CCDC158: variants seen among roughly 807,000 people sequenced by gnomAD.
CCDC158 encodes coiled-coil domain containing 158.
In CCDC158, 116 loss-of-function variants were observed where a neutral mutation model predicts 138.6. The observed-to-expected ratio is 0.84, with a 90% confidence interval of 0.72 to 0.98. The LOEUF is 0.98. CCDC158 is among the 50% of genes least tolerant of loss of function. The pLI, the probability that CCDC158 is intolerant of heterozygous loss-of-function variation, is 0.00. For missense variants in CCDC158, 1,265 were observed against 1,306.1 expected, an observed-to-expected ratio of 0.97 and a Z score of 0.48; for synonymous variants, 436 against 442.4, an observed-to-expected ratio of 0.99 and a Z score of 0.18.
chr4:76,380,356 T>C (rs922317830), intron 8 of CCDC158, among the ~76,000 whole-genome samples: 11 of 152,116 alleles, frequency 7.2e-5, no homozygotes, highest in African/African-American at 2.7e-4. Context: ...CAGATGGAGA[T>C]GAGGAACTTC....
At position 76,367,503 on chromosome 4, in the gene CCDC158, C is replaced by A. The variant is rs772456913; in HGVS notation, c.1621G>T (p.Asp541Tyr). The A allele has an allele frequency of 1.5e-5, 24 of 1,614,078 alleles. No individual in the cohort carries two copies. The highest frequency in any genetic ancestry group is 2.0e-5 in the Non-Finnish European group (24 of 1,180,050). ...QELQHLKNEG[D>Y]HLRNVQTECE... is the part of the protein sequence containing the mutation. ...TCTGTCTGCACATTTCTGAGATGAT[C>A]CCCTTCATTTTTCAAGTGTTGCAGC... is the stretch of plus-strand genomic sequence containing the variant. Residue 541 changes from aspartate to tyrosine, a missense_variant, in exon 12 of 25, where the codon GAT becomes TAT. Physicochemically the swap from Asp to Tyr is radical, Grantham distance 160 (BLOSUM62 -3). Transcript: ENST00000682701.
chr4:76,371,375 TC>T (rs772471192), intron 10 of CCDC158, 41 bp downstream of exon 10: 13 of 1,584,190 alleles, frequency 8.2e-6, no homozygotes, highest in Admixed American at 3.5e-5. Context: ...GTGAAAAACT[TC>T]CCAGAATTAG....
chr4:76,328,538 C>T (rs1720730304), intron 22 of CCDC158, among the ~76,000 whole-genome samples: 1 of 152,206 alleles, frequency 6.6e-6, no homozygotes, highest in Admixed American at 6.5e-5. Context: ...CTCACCTTGG[C>T]TTCTCAAAGT....
intron 1 of CCDC158, among the ~76,000 whole-genome samples, 98 bp downstream of exon 1, chr4:76,420,867 G>A (rs1024402773): frequency 2.0e-5 from 3 of 152,160 alleles, no homozygotes; most frequent in African/African-American, 4.8e-5. Context: ...ACGAGGCACC[G>A]GAAGATTCCA....
At chr4:76,387,579 C>T (rs1044101018) in intron 4 of CCDC158, among the ~76,000 whole-genome samples, 17 of 151,644 alleles carry the variant, frequency 1.1e-4, no homozygotes, top group African/African-American at 4.1e-4. Flanking sequence ...AGTCCCAGCA[C>T]TTTGGGAGGC....
chr4:76,347,924 T>A (rs1722713642), intron 18 of CCDC158, among the ~76,000 whole-genome samples: 1 of 152,164 alleles, frequency 6.6e-6, no homozygotes, highest in Non-Finnish European at 1.5e-5. Context: ...ATTTTCTTAC[T>A]CTGTTTGGGT....
At chr4:76,410,189 C>T (rs1328119426) in intron 2 of CCDC158, among the ~76,000 whole-genome samples, 1 of 150,926 alleles carries the variant, frequency 6.6e-6, no homozygotes, top group Non-Finnish European at 1.5e-5. Context: ...TTTAGAATCC[C>T]TTTTTTTTGT....
intron 12 of CCDC158, among the ~76,000 whole-genome samples, chr4:76,366,218 T>A (rs1446827106): frequency 1.3e-5 from 2 of 152,194 alleles, no homozygotes; most frequent in African/African-American, 4.8e-5. Context: ...GAATCCTTTC[T>A]ATGTCCCTTT....
chr4:76,329,469 G>A (rs376218388), intron 21 of CCDC158, among the ~76,000 whole-genome samples: 8 of 152,036 alleles, frequency 5.3e-5, no homozygotes, highest in African/African-American at 7.2e-5. Context: ...CTGTAGTCCC[G>A]GCTACTCAGG....
rs765370797 is a variant in CCDC158 at position 76,396,382 on chromosome 4, C to T, written c.175G>A (p.Val59Met). The change falls in exon 4 of 25, where the codon GTG (valine) becomes ATG (methionine). Residue 59 changes from valine (V) to methionine (M), a missense_variant. Val to Met is a conservative substitution (Grantham distance 21). Coordinates refer to ENST00000682701, the MANE Select transcript of CCDC158 (RefSeq NM_001394954.1). The part of the protein sequence containing the change: ...TQVPFFPKYE[V>M]ELDSPRKIIP... The stretch of plus-strand genomic sequence containing the variant: ...ATTTTTCTAGGAGAATCAAGTTCCA[C>T]TTCATATTTAGGGAAAAAAGGAACC... 1.1e-5 allele frequency: 17 copies of T among 1,613,744 alleles called. No homozygotes were observed. In the Admixed American group the frequency reaches 2.7e-4, roughly 25 times the overall value.
intron 3 of CCDC158, 89 bp from the exon 4 acceptor site, chr4:76,396,575 G>T: frequency 1.1e-6 from 1 of 925,794 alleles, no homozygotes; most frequent in Non-Finnish European, 1.6e-6. Context: ...GCAATGGCGC[G>T]ATCTTGCTCA....
chr4:76,334,226 T>A, intron 18 of CCDC158, 59 bp from the exon 19 acceptor site: 1 of 1,401,584 alleles, frequency 7.1e-7, no homozygotes, highest in East Asian at 2.4e-5. Context: ...CTATTTCCTA[T>A]CACAAAATTA....
chr4:76,420,988 G>A lies in CCDC158; in HGVS notation c.-140C>T, dbSNP rs972865504. Among the ~76,000 whole-genome samples the A allele has an allele frequency of 1.3e-4, 20 of 152,056 alleles. No individual in the cohort carries two copies. The highest frequency in any genetic ancestry group is 4.1e-4 in the African/African-American group (17 of 41,424). On this transcript the variant is annotated 5_prime_UTR_variant, in exon 1 of 25. Transcript: ENST00000682701. ...ACCTGCAACCAACACCTAATCCTAA[G>A]ACACCGGCCACATCTCCGCGGGGCG... is the stretch of plus-strand genomic sequence containing the variant.
At chr4:76,393,568 C>A (rs1727504318) in intron 4 of CCDC158, among the ~76,000 whole-genome samples, 1 of 151,974 alleles carries the variant, frequency 6.6e-6, no homozygotes, top group African/African-American at 2.4e-5. Context: ...AGGCACTGAT[C>A]TGGGCAAAAA....
chr4:76,406,311 C>CAATCACTTG (rs1298602448), intron 2 of CCDC158, among the ~76,000 whole-genome samples: 1 of 152,124 alleles, frequency 6.6e-6, no homozygotes, highest in Admixed American at 6.5e-5. Context: ...TATAACACAG[C>CAATCACTTG]AATCACTTGG....
At chr4:76,316,612 A>C (rs1334720113) in intron 24 of CCDC158, among the ~76,000 whole-genome samples, 1 of 151,934 alleles carries the variant, frequency 6.6e-6, no homozygotes, top group African/African-American at 2.4e-5. Flanking sequence ...CTCAAAGAAT[A>C]CCTGTGAAAT....
At chr4:76,373,805 T>C (rs1445488111) in intron 9 of CCDC158, among the ~76,000 whole-genome samples, 1 of 152,226 alleles carries the variant, frequency 6.6e-6, no homozygotes. Flanking sequence ...TCTGGCTGCA[T>C]GCTATGTATA....
rs767889035 is a variant in CCDC158, at chr4:76,403,174, C to T, written c.34G>A (p.Asp12Asn). The change falls in exon 3 of 25, where the codon GAT (aspartate) becomes AAT (asparagine). Residue 12 changes from aspartate to asparagine, a missense_variant. Coordinates refer to ENST00000682701, the MANE Select transcript of CCDC158 (RefSeq NM_001394954.1). ...GTGACACCACTACTTGATAAAAGAT[C>T]TTCATTATTTGATTCCCAAGCTTTT... ...ESKAWESNNE[D>N]LLSSSGVTSN... The T allele has an allele frequency of 1.2e-6, 2 of 1,606,486 alleles. No individual in the cohort carries two copies. The highest frequency in any genetic ancestry group is 1.1e-5 in the South Asian group (1 of 89,914).
rs767419022 is a variant in CCDC158 at position 76,328,978 on chromosome 4, A to G, written c.2943-11T>C. The G allele has an allele frequency of 6.2e-7, 1 of 1,609,824 alleles. No homozygotes were observed. The highest frequency in any genetic ancestry group is 8.5e-7 in the Non-Finnish European group (1 of 1,176,254). On this transcript the variant is annotated splice_polypyrimidine_tract_variant and intron_variant, in intron 21 of 24. Coordinates refer to ENST00000682701, the MANE Select transcript of CCDC158 (RefSeq NM_001394954.1). ...AATGTGACTGGCTCTCTGGAAGCATAAGAATGGTAATGCAAGCATTCCATT... is the reference window on the plus strand; with the variant it reads ...AATGTGACTGGCTCTCTGGAAGCATGAGAATGGTAATGCAAGCATTCCATT...
Sources: allele counts gnomAD v4.1 joint callset (sites outside exome capture counted in the v4.1 genomes callset), GRCh38; gene constraint gnomAD v4.1.1; transcripts MANE v1.5; gene names NCBI Gene and HGNC (gene_info 2026-07-23, HGNC 2026-07-21).